Variants in PPP4R2 observed in about 807,000 individuals in gnomAD.
PPP4R2 encodes protein phosphatase 4 regulatory subunit 2, also known as serine/threonine-protein phosphatase 4 regulatory subunit 2.
A neutral mutation model predicts 47.2 loss-of-function variants in PPP4R2; 13 were observed. The ratio of observed to expected loss-of-function variants is 0.28; its 90% confidence interval spans 0.18 to 0.44. The LOEUF (loss-of-function observed/expected upper bound fraction) is 0.44, where lower values mean the gene tolerates loss of function less well. Among genes scored for constraint, PPP4R2 ranks in the 20% least tolerant of loss-of-function variants. The pLI is 1.00. For synonymous variants in PPP4R2, 151 were observed against 163.3 expected, an observed-to-expected ratio of 0.92 and a Z score of 0.57; for missense variants, 421 against 491.2, an observed-to-expected ratio of 0.86 and a Z score of 1.35.
intron 2 of PPP4R2, among the ~76,000 whole-genome samples, chr3:73,006,497 G>A (rs1292566597): frequency 6.6e-6 from 1 of 152,106 alleles, no homozygotes; most frequent in Non-Finnish European, 1.5e-5. Context: ...GCCCAGAGTA[G>A]CTTTTCTAAC....
Position 73,066,905 on chromosome 3 carries a change from A to AAGC in PPP4R2, c.*1185_*1187dup, listed in dbSNP as rs1703007425. On this transcript the variant is annotated 3_prime_UTR_variant, in exon 9 of 9. Transcript: ENST00000356692. ...GTGTTATATTTTTCAGATCAACACA[A>AAGC]AGCACAATGATTACTCGAAATTCAG... The AAGC allele has an allele frequency of 6.6e-6, 1 of 152,138 alleles. No individual in the cohort carries two copies. Among genetic ancestry groups the AAGC allele is most frequent in the African/African-American group, 2.4e-5 (1 of 41,452 alleles). 9.4% of individuals were successfully genotyped at this position (152,138 alleles called of 1,614,324 possible). A position where few individuals can be genotyped will look rare whatever the true frequency, so the allele number is the denominator to read the frequency against.
intron 2 of PPP4R2, among the ~76,000 whole-genome samples, chr3:73,020,114 T>C (rs1435101181): frequency 6.6e-6 from 1 of 152,200 alleles, no homozygotes; most frequent in East Asian, 1.9e-4. Context: ...TATTTCCTCA[T>C]GGTTTTGGAG....
intron 2 of PPP4R2, among the ~76,000 whole-genome samples, chr3:73,041,272 T>G (rs1702373658): frequency 6.6e-6 from 1 of 152,234 alleles, no homozygotes. Context: ...GGAATGATAA[T>G]GTAAAAGAAT....
At chr3:73,056,846 G>A (rs962106733) in intron 3 of PPP4R2, among the ~76,000 whole-genome samples, 1 of 152,154 alleles carries the variant, frequency 6.6e-6, no homozygotes, top group Admixed American at 6.5e-5. Context: ...ATATTCATCT[G>A]TTAAAACTAA....
At chr3:73,028,401 C>G (rs1005648756) in intron 2 of PPP4R2, among the ~76,000 whole-genome samples, 1 of 151,470 alleles carries the variant, frequency 6.6e-6, no homozygotes, top group African/African-American at 2.4e-5. Flanking sequence ...GACATTTGAT[C>G]GAGGCCCAAG....
chr3:73,005,974 T>A (rs1301263285), intron 2 of PPP4R2, among the ~76,000 whole-genome samples: 1 of 152,164 alleles, frequency 6.6e-6, no homozygotes, highest in African/African-American at 2.4e-5. Flanking sequence ...TGTTCATTCA[T>A]TACTCCCAGA....
intron 6 of PPP4R2, 85 bp downstream of exon 6, chr3:73,063,832 G>C: frequency 8.8e-7 from 1 of 1,139,606 alleles, no homozygotes; most frequent in Non-Finnish European, 1.3e-6. Flanking sequence ...TAAAAATTGG[G>C]CATTTTATGG....
chr3:73,046,898 TAAG>T (rs1300678960), intron 2 of PPP4R2, among the ~76,000 whole-genome samples: 1 of 152,110 alleles, frequency 6.6e-6, no homozygotes, highest in Non-Finnish European at 1.5e-5. Context: ...TTAAACATAC[TAAG>T]AATAGGACCT....
At chr3:73,005,948 A>G (rs1394738079) in intron 2 of PPP4R2, among the ~76,000 whole-genome samples, 2 of 152,146 alleles carry the variant, frequency 1.3e-5, no homozygotes, top group Admixed American at 6.5e-5. Flanking sequence ...CATCACAACA[A>G]TCAAGATTGT....
intron 2 of PPP4R2, among the ~76,000 whole-genome samples, chr3:73,006,799 G>C (rs1046440244): frequency 1.3e-5 from 2 of 152,134 alleles, no homozygotes; most frequent in Admixed American, 6.5e-5. Context: ...TCTCAAATTG[G>C]TCTGCAGTGA....
intron 2 of PPP4R2, among the ~76,000 whole-genome samples, chr3:73,045,765 G>T (rs997180426): frequency 2.0e-5 from 3 of 152,082 alleles, no homozygotes; most frequent in Admixed American, 1.3e-4. Context: ...GACCTCAGGT[G>T]ATCCGCCTGC....
chr3:73,012,891 TAG>T (rs1326555310), intron 2 of PPP4R2, among the ~76,000 whole-genome samples: 1 of 148,792 alleles, frequency 6.7e-6, no homozygotes, highest in Non-Finnish European at 1.5e-5. Context: ...TAAATGTAGG[TAG>T]AATGTAGGCT....
chr3:73,047,986 C>T (rs1702520861), intron 3 of PPP4R2, among the ~76,000 whole-genome samples: 1 of 152,110 alleles, frequency 6.6e-6, no homozygotes, highest in South Asian at 2.1e-4. Context: ...AAGCAATTCT[C>T]CTCCCTCAGC....
intron 2 of PPP4R2, among the ~76,000 whole-genome samples, chr3:73,017,406 T>C (rs867153808): frequency 1.3e-5 from 2 of 152,176 alleles, no homozygotes; most frequent in Non-Finnish European, 2.9e-5. Context: ...AGGCCACTGC[T>C]GATACACCAA....
intron 2 of PPP4R2, among the ~76,000 whole-genome samples, chr3:73,035,392 C>T (rs1173565968): frequency 6.6e-6 from 1 of 151,686 alleles, no homozygotes; most frequent in Non-Finnish European, 1.5e-5. Flanking sequence ...AGAGTGAGAC[C>T]CTGTCTAAAA....
In PPP4R2 at chr3:73,004,883, T is replaced by G. The variant is rs201873307; in HGVS notation, c.116+6725T>G. Among the ~76,000 whole-genome samples, 47 of 125,822 alleles carry G rather than the reference T, an allele frequency of 3.7e-4. 1 individual carries two copies. The highest frequency in any genetic ancestry group is 7.8e-4 in the African/African-American group (24 of 30,774). 82.5% of individuals were successfully genotyped at this position (125,822 alleles called of 152,430 possible). ...TGTGTGTGTGTGTTTGTTTGTTTGT[T>G]TGTGTGTGTGTGTTTTGAGTCGGAG... On this transcript the variant is annotated intron_variant, in intron 2 of 8. Transcript: ENST00000356692.
intron 3 of PPP4R2, among the ~76,000 whole-genome samples, chr3:73,058,072 T>C (rs962438049): frequency 6.6e-6 from 1 of 150,616 alleles, no homozygotes; most frequent in Non-Finnish European, 1.5e-5. Flanking sequence ...GTAATTCTTA[T>C]GAATGCTAAT....
At chr3:73,012,350 A>G (rs1701742241) in intron 2 of PPP4R2, among the ~76,000 whole-genome samples, 1 of 151,948 alleles carries the variant, frequency 6.6e-6, no homozygotes, top group Admixed American at 6.6e-5. Flanking sequence ...CCCAGGCTGG[A>G]GTGCAGCGGC....
At chr3:73,014,947 A>G (rs968042392) in intron 2 of PPP4R2, 8 of 694,322 alleles carry the variant, frequency 1.2e-5, no homozygotes, top group Non-Finnish European at 2.1e-5. Flanking sequence ...CAAGTGATCC[A>G]CCTGCCTCAA....
Sources: gnomAD v4.1 joint callset for allele counts (sites outside exome capture counted in the v4.1 genomes callset) on GRCh38, gnomAD v4.1.1 for gene constraint, MANE v1.5 for transcripts, NCBI Gene and HGNC (gene_info 2026-07-23, HGNC 2026-07-21) for gene names.